The following FRY variants were observed in gnomAD, a reference collection of about 807,000 sequenced individuals.
FRY encodes the protein FRY microtubule binding protein.
Under a neutral mutation model 348.4 loss-of-function variants are expected in FRY, and 128 were observed. The observed-to-expected ratio is 0.37, with a 90% CI of 0.32 to 0.43. FRY has a LOEUF of 0.43. Ranked by LOEUF, FRY falls within the 20% of genes least tolerant of loss-of-function variation. The probability of loss-of-function intolerance (pLI) is 1.00; values close to 1 mark genes in which losing one functional copy is unlikely to be tolerated. For synonymous variants in FRY, 1,370 were observed against 1,374.7 expected (o/e 1.00, Z 0.08); for missense variants, 2,736 against 3,695.2 (o/e 0.74, Z 6.73).
chr13:32,058,708 T>G (rs1873772826), intron 1 of FRY, among the ~76,000 whole-genome samples: 1 of 152,180 alleles, frequency 6.6e-6, no homozygotes, highest in Non-Finnish European at 1.5e-5. Context: ...GATAGTCAGG[T>G]GAGGTGGAGG....
At chr13:32,064,486 A>G (rs913029557) in intron 1 of FRY, among the ~76,000 whole-genome samples, 3 of 151,210 alleles carry the variant, frequency 2.0e-5, no homozygotes, top group Non-Finnish European at 4.4e-5. Flanking sequence ...TTATTCTATC[A>G]TGCCTCTCTC....
chr13:32,204,365 G>A (rs2249149), intron 31 of FRY, among the ~76,000 whole-genome samples: 61,930 of 152,050 alleles, frequency 0.41, 12,799 homozygotes, highest in Admixed American at 0.43. Context: ...TAATTTGCTC[G>A]AGACCATATA....
intron 19 of FRY, among the ~76,000 whole-genome samples, chr13:32,174,949 A>C (rs1444587961): frequency 6.6e-6 from 1 of 152,174 alleles, no homozygotes; most frequent in East Asian, 1.9e-4. Flanking sequence ...AATTTATGAT[A>C]TATAAATGAA....
chr13:32,118,824 A>C (rs1878469902), intron 4 of FRY, among the ~76,000 whole-genome samples: 1 of 152,218 alleles, frequency 6.6e-6, no homozygotes, highest in African/African-American at 2.4e-5. Context: ...AAAATGGTTC[A>C]GACCATGTGA....
rs148072134 is a variant in FRY at position 32,210,606 on chromosome 13, C to T, written c.4423-260C>T. On this transcript the variant is annotated intron_variant, in intron 33 of 60. Transcript: ENST00000542859. Reference sequence around the variant, plus strand: ...AAGTTTTCAGTTTAGATAGAATTCACGTACCTCAAAAGTAACTTTTAAAAA... The same window carrying T: ...AAGTTTTCAGTTTAGATAGAATTCATGTACCTCAAAAGTAACTTTTAAAAA... Among the ~76,000 whole-genome samples, 334 of 152,214 alleles carry T rather than the reference C, an allele frequency of 2.2e-3. 1 individual carries two copies. The highest frequency in any genetic ancestry group is 7.6e-3 in the African/African-American group (315 of 41,532).
At chr13:32,183,396 A>G (rs920763010) in intron 24 of FRY, among the ~76,000 whole-genome samples, 1 of 152,252 alleles carries the variant, frequency 6.6e-6, no homozygotes, top group Admixed American at 6.5e-5. Flanking sequence ...TTCATCTGGC[A>G]TACGAGGCAT....
intron 59 of FRY, among the ~76,000 whole-genome samples, chr13:32,291,001 C>G (rs1345289201): frequency 6.6e-6 from 1 of 152,068 alleles, no homozygotes; most frequent in Non-Finnish European, 1.5e-5. Flanking sequence ...GGACCAAGAC[C>G]TGGCTTAAAC....
At chr13:32,153,457 T>C (rs1360548994) in intron 14 of FRY, among the ~76,000 whole-genome samples, 2 of 152,218 alleles carry the variant, frequency 1.3e-5, no homozygotes, top group Non-Finnish European at 2.9e-5. Flanking sequence ...ACTATTTGAT[T>C]CAATTTATAT....
In FRY at chr13:32,193,588, G is replaced by T. The variant is rs752875762; in HGVS notation, c.3592-555G>T. ...AAAAAAAATTGCCAATAAAGTCTTC[G>T]TCCTTTTTTTTTTTTGAGACCTAGT... On this transcript the variant is annotated intron_variant, in intron 28 of 60. Coordinates refer to ENST00000542859, the MANE Select transcript of FRY (RefSeq NM_023037.3). 3.3e-5 allele frequency among the ~76,000 whole-genome samples: 3 copies of T among 89,910 alleles called. No individual in the cohort carries two copies. The South Asian group carries it at 9.7e-4, about 29-fold the overall frequency. The allele number at this position is 89,910 out of a possible 152,430, so 59.0% of individuals were successfully genotyped here. A position where few individuals can be genotyped will look rare whatever the true frequency, so the allele number is the denominator to read the frequency against.
At chr13:32,185,200 T>C (rs747647390) in intron 26 of FRY, 52 bp downstream of exon 26, 1 of 1,517,430 alleles carries the variant, frequency 6.6e-7, no homozygotes, top group South Asian at 1.1e-5. Flanking sequence ...AGCCCATTCG[T>C]GTTCTTTATT....
intron 1 of FRY, among the ~76,000 whole-genome samples, chr13:32,037,202 A>G (rs1388790420): frequency 2.6e-5 from 4 of 152,214 alleles, no homozygotes; most frequent in Non-Finnish European, 5.9e-5. Context: ...AAATGTATAT[A>G]GACATTCACA....
chr13:32,249,710 T>A lies in FRY; in HGVS notation c.7170+23T>A, dbSNP rs752470836. 6.8e-6 allele frequency: 11 copies of A among 1,608,920 alleles called. No individual in the cohort carries two copies. In the Admixed American group the frequency reaches 1.5e-4, roughly 22 times the overall value. ...CAGGTATGCAATCCTAGACCCACAG[T>A]CCTGGGAGGGAGTTTAGGGACCTGT... is the stretch of plus-strand genomic sequence containing the variant. On this transcript the variant is annotated intron_variant, in intron 49 of 60. Transcript: ENST00000542859.
intron 1 of FRY, among the ~76,000 whole-genome samples, chr13:32,066,309 A>G (rs1874255413): frequency 6.6e-6 from 1 of 152,204 alleles, no homozygotes. Context: ...AATGCACATT[A>G]GCTCTAATGT....
intron 44 of FRY, among the ~76,000 whole-genome samples, chr13:32,238,258 G>A (rs1360363072): frequency 6.6e-6 from 1 of 151,808 alleles, no homozygotes; most frequent in African/African-American, 2.4e-5. Context: ...CAAACTGCAG[G>A]TGCTGTTAGT....
At chr13:32,251,194 C>T (rs187540924) in intron 49 of FRY, among the ~76,000 whole-genome samples, 219 of 152,220 alleles carry the variant, frequency 1.4e-3, no homozygotes, top group African/African-American at 5.0e-3. Context: ...ATTCTGAGAC[C>T]TGGGTTATCT....
At chr13:32,234,800 C>G in intron 42 of FRY, 39 bp downstream of exon 42, 1 of 1,487,952 alleles carries the variant, frequency 6.7e-7, no homozygotes. Context: ...GAAGGATGAG[C>G]TCTCTCATCT....
chr13:32,033,254 A>G (rs181243627), intron 1 of FRY, among the ~76,000 whole-genome samples: 204 of 152,268 alleles, frequency 1.3e-3, no homozygotes, highest in African/African-American at 4.6e-3. Flanking sequence ...TCCTTTGTCT[A>G]TCTGCTCTTT....
intron 56 of FRY, among the ~76,000 whole-genome samples, chr13:32,275,658 G>C (rs2138601207): frequency 6.6e-6 from 1 of 152,330 alleles, no homozygotes; most frequent in South Asian, 2.1e-4. Flanking sequence ...AGGTTGCCCA[G>C]TCGGATGGGT....
At chr13:32,180,762 G>T (rs559596614) in intron 23 of FRY, among the ~76,000 whole-genome samples, 4 of 152,174 alleles carry the variant, frequency 2.6e-5, no homozygotes, top group African/African-American at 9.7e-5. Context: ...AATTTTCCAT[G>T]TAGATAGAAA....
Sources: allele counts gnomAD v4.1 joint callset (sites outside exome capture counted in the v4.1 genomes callset), GRCh38; gene constraint gnomAD v4.1.1; transcripts MANE v1.5; gene names NCBI Gene and HGNC (gene_info 2026-07-23, HGNC 2026-07-21).